Variants in ADGRB3 observed in about 807,000 individuals in gnomAD.
ADGRB3 encodes brain-specific angiogenesis inhibitor 3.
Under a neutral mutation model 193.4 loss-of-function variants are expected in ADGRB3, and 37 were observed. The ratio of observed to expected loss-of-function variants is 0.19; its 90% CI spans 0.15 to 0.25. The LOEUF is 0.25. Ranked by LOEUF, ADGRB3 falls within the 10% of genes least tolerant of loss-of-function variation. The probability of loss-of-function intolerance (pLI) is 1.00; values close to 1 mark genes in which losing one functional copy is unlikely to be tolerated. For synonymous variants in ADGRB3, 690 were observed against 644.2 expected (o/e 1.07, Z -1.08); for missense variants, 1,637 against 1,852.9 (o/e 0.88, Z 2.14).
At chr6:68,640,097 C>T (rs1768050314) in intron 3 of ADGRB3, among the ~76,000 whole-genome samples, 1 of 152,198 alleles carries the variant, frequency 6.6e-6, no homozygotes, top group African/African-American at 2.4e-5. Context: ...GAAGCGCAAA[C>T]TCTCCAGGTC....
chr6:69,158,661 C>A (rs1774909403), intron 17 of ADGRB3, among the ~76,000 whole-genome samples: 2 of 151,718 alleles, frequency 1.3e-5, no homozygotes, highest in South Asian at 4.2e-4. Flanking sequence ...GGGGAGGATG[C>A]CCTCATTTCA....
At chr6:68,878,669 A>G (rs892235093) in intron 3 of ADGRB3, among the ~76,000 whole-genome samples, 1 of 152,154 alleles carries the variant, frequency 6.6e-6, no homozygotes, top group Admixed American at 6.5e-5. Context: ...TGACCATTTC[A>G]GTTTTTGTCA....
chr6:68,955,791 C>T (rs1348306512), intron 6 of ADGRB3, among the ~76,000 whole-genome samples: 1 of 149,878 alleles, frequency 6.7e-6, no homozygotes, highest in Non-Finnish European at 1.5e-5. Flanking sequence ...GACTCCATCT[C>T]CAAATGAAAA....
At chr6:68,721,211 G>C (rs112955866) in intron 3 of ADGRB3, among the ~76,000 whole-genome samples, 1 of 151,796 alleles carries the variant, frequency 6.6e-6, no homozygotes, top group East Asian at 1.9e-4. Context: ...CAATAGCAAA[G>C]ACTTGGAACC....
At chr6:69,239,358 T>C in intron 20 of ADGRB3, 132 bp downstream of exon 20, 2 of 614,402 alleles carry the variant, frequency 3.3e-6, no homozygotes, top group Non-Finnish European at 2.8e-6. Context: ...AAAATTTTGT[T>C]ATTGGTTTAT....
At chr6:68,931,290 T>A (rs1368318391) in intron 4 of ADGRB3, among the ~76,000 whole-genome samples, 1 of 152,016 alleles carries the variant, frequency 6.6e-6, no homozygotes, top group Non-Finnish European at 1.5e-5. Context: ...TTAATTAGAT[T>A]ACTTTTAAAA....
At chr6:69,317,525 C>T (rs1768339852) in intron 20 of ADGRB3, among the ~76,000 whole-genome samples, 1 of 151,422 alleles carries the variant, frequency 6.6e-6, no homozygotes, top group Middle Eastern at 3.2e-3. Context: ...TTTCAACCAA[C>T]CATTCTTTTT....
chr6:68,894,960 A>G (rs1766178663), intron 3 of ADGRB3, among the ~76,000 whole-genome samples: 1 of 151,962 alleles, frequency 6.6e-6, no homozygotes, highest in Non-Finnish European at 1.5e-5. Context: ...TTGGTTATCA[A>G]AAAGCATCAT....
At chr6:68,677,315 A>G (rs892791779) in intron 3 of ADGRB3, among the ~76,000 whole-genome samples, 1 of 152,064 alleles carries the variant, frequency 6.6e-6, no homozygotes, top group Non-Finnish European at 1.5e-5. Flanking sequence ...GTTCAATGCA[A>G]ATCTTTGATA....
chr6:69,000,664 GT>G (rs542443631), intron 11 of ADGRB3, among the ~76,000 whole-genome samples: 4 of 152,128 alleles, frequency 2.6e-5, no homozygotes, highest in Non-Finnish European at 5.9e-5. Flanking sequence ...TAATATAAGG[GT>G]TAAAACAAAA....
intron 20 of ADGRB3, among the ~76,000 whole-genome samples, chr6:69,255,169 C>A (rs1170867812): frequency 6.6e-6 from 1 of 152,020 alleles, no homozygotes; most frequent in Non-Finnish European, 1.5e-5. Context: ...AATAAACATA[C>A]GTGTGCATGT....
chr6:68,688,663 A>G (rs1765022138), intron 3 of ADGRB3, among the ~76,000 whole-genome samples: 2 of 152,292 alleles, frequency 1.3e-5, no homozygotes, highest in East Asian at 1.9e-4. Flanking sequence ...TAAATTTTAC[A>G]AAAATGAATT....
intron 11 of ADGRB3, among the ~76,000 whole-genome samples, chr6:69,009,684 T>C (rs1410188048): frequency 6.6e-6 from 1 of 152,146 alleles, no homozygotes; most frequent in Non-Finnish European, 1.5e-5. Flanking sequence ...TAAGCCTTTC[T>C]GTAGTTCACC....
intron 1 of ADGRB3, among the ~76,000 whole-genome samples, chr6:68,636,472 A>ATAAG (rs1767956755): frequency 6.6e-6 from 1 of 151,728 alleles, no homozygotes; most frequent in South Asian, 2.1e-4. Flanking sequence ...AAATAAATAA[A>ATAAG]TAAATAAAAC....
intron 20 of ADGRB3, among the ~76,000 whole-genome samples, chr6:69,299,143 C>T (rs377743734): frequency 6.6e-6 from 1 of 151,944 alleles, no homozygotes; most frequent in Non-Finnish European, 1.5e-5. Flanking sequence ...TAATGTTGGG[C>T]AGATTTTCAT....
intron 3 of ADGRB3, among the ~76,000 whole-genome samples, chr6:68,802,109 C>G (rs1767322724): frequency 1.4e-5 from 1 of 74,038 alleles, no homozygotes; most frequent in Non-Finnish European, 3.0e-5. Context: ...TTTTGTAGAA[C>G]TCAGACATAA....
At chr6:69,196,320 G>C (rs1183962363) in intron 17 of ADGRB3, among the ~76,000 whole-genome samples, 1 of 152,084 alleles carries the variant, frequency 6.6e-6, no homozygotes, top group African/African-American at 2.4e-5. Context: ...TTGGTAAACA[G>C]GCTGGCCTTT....
Position 69,289,738 on chromosome 6 carries a change from G to A in ADGRB3, c.2815-35134G>A, listed in dbSNP as rs1362345951. Among the ~76,000 whole-genome samples, 7 of 152,078 alleles carry A rather than the reference G, an allele frequency of 4.6e-5. No individual in the cohort carries two copies. The South Asian group carries it at 1.5e-3, about 32-fold the overall frequency. On this transcript the variant is annotated intron_variant, in intron 20 of 31. Coordinates refer to ENST00000370598, the MANE Select transcript of ADGRB3 (RefSeq NM_001704.3). ...TACAGTTTCACCTCCACTACAGACA[G>A]GTGCCTAAATAGGCTGAGCCAGGGA...
intron 3 of ADGRB3, among the ~76,000 whole-genome samples, chr6:68,741,119 A>G (rs1765972256): frequency 6.6e-6 from 1 of 152,208 alleles, no homozygotes; most frequent in Non-Finnish European, 1.5e-5. Flanking sequence ...AAACAAATGC[A>G]TGCATGGACA....
Sources: gnomAD v4.1 joint callset for allele counts (sites outside exome capture counted in the v4.1 genomes callset) on GRCh38, gnomAD v4.1.1 for gene constraint, MANE v1.5 for transcripts, NCBI Gene and HGNC (gene_info 2026-07-23, HGNC 2026-07-21) for gene names.